Variants in TRPM3 observed in about 807,000 individuals in gnomAD.
TRPM3 encodes the protein transient receptor potential cation channel subfamily M member 3, also known as long transient receptor potential channel 3.
In TRPM3, 77 loss-of-function variants were observed where a neutral mutation model predicts 181.2. The observed-to-expected ratio is 0.42, with a 90% CI of 0.35 to 0.51. TRPM3 has a LOEUF of 0.51. TRPM3 is among the 20% of genes least tolerant of loss of function. The pLI is 0.01. For synonymous variants in TRPM3, 745 were observed against 796.4 expected (o/e 0.94, Z 1.09); for missense variants, 1,759 against 2,196.7 (o/e 0.80, Z 3.98).
At chr9:70,985,943 TTTA>T (rs1392932523) in intron 1 of TRPM3, among the ~76,000 whole-genome samples, 1 of 152,184 alleles carries the variant, frequency 6.6e-6, no homozygotes, top group Admixed American at 6.5e-5. Context: ...CAGTCTGCTT[TTTA>T]TTATTATCAC....
chr9:71,205,237 A>G (rs1201896728), intron 1 of TRPM3, among the ~76,000 whole-genome samples: 1 of 91,542 alleles, frequency 1.1e-5, no homozygotes, highest in Non-Finnish European at 2.3e-5. Flanking sequence ...ATGTTTAAGC[A>G]AATCAAATAA....
rs557558643 is a variant in TRPM3, at chr9:70,986,225, A to G, written c.178-121714T>C. ...TAAAATTAAATAAAATTAGCCAGGC[A>G]TGGTGGTGCAAGACTGCTGCCCTAG... is the stretch of plus-strand genomic sequence containing the variant. On this transcript the variant is annotated intron_variant, in intron 1 of 25. Transcript: ENST00000677713. Among the ~76,000 whole-genome samples the G allele has an allele frequency of 1.3e-5, 2 of 152,206 alleles. 1 individual carries two copies. The highest frequency in any genetic ancestry group is 1.3e-4 in the Admixed American group (2 of 15,274).
At chr9:71,084,741 G>A (rs1002548976) in intron 1 of TRPM3, among the ~76,000 whole-genome samples, 4 of 151,542 alleles carry the variant, frequency 2.6e-5, no homozygotes, top group African/African-American at 9.7e-5. Context: ...TCAAACTGTC[G>A]ATGTCATTTT....
At chr9:70,740,936 A>C (rs1286809131) in intron 8 of TRPM3, among the ~76,000 whole-genome samples, 1 of 152,264 alleles carries the variant, frequency 6.6e-6, no homozygotes, top group Admixed American at 6.5e-5. Context: ...ACGAAAGCAA[A>C]TGCAACAAAA....
chr9:71,013,655 A>T (rs535792005), intron 1 of TRPM3, among the ~76,000 whole-genome samples: 1 of 152,070 alleles, frequency 6.6e-6, no homozygotes, highest in East Asian at 1.9e-4. Flanking sequence ...TTGATAAATC[A>T]TATTATCCTA....
intron 1 of TRPM3, among the ~76,000 whole-genome samples, chr9:71,322,556 CA>C (rs1420376371): frequency 6.6e-6 from 1 of 151,988 alleles, no homozygotes; most frequent in Admixed American, 6.6e-5. Context: ...GAGGTAGTTG[CA>C]AGGAAAATGT....
rs760149099 is a variant in TRPM3 at position 71,292,971 on chromosome 9, A to G, written c.183+153682T>C. Among the ~76,000 whole-genome samples the G allele has an allele frequency of 8.5e-5, 13 of 152,110 alleles. No homozygotes were observed. The East Asian group carries it at 2.1e-3, about 25-fold the overall frequency. ...AAAATGACGAAATTGTGTTTATCTCAAGAATATAAAGTTGGTTGAACATCA... is the reference window on the plus strand; with the variant it reads ...AAAATGACGAAATTGTGTTTATCTCGAGAATATAAAGTTGGTTGAACATCA... On this transcript the variant is annotated intron_variant, in intron 1 of 24. Coordinates refer to the TRPM3 transcript ENST00000357533.
intron 1 of TRPM3, among the ~76,000 whole-genome samples, chr9:71,119,821 T>C (rs187069921): frequency 5.9e-5 from 9 of 152,274 alleles, no homozygotes; most frequent in East Asian, 3.9e-4. Context: ...CTATCACACA[T>C]GTTGTTACAA....
At chr9:71,313,646 T>C (rs957004978) in intron 1 of TRPM3, among the ~76,000 whole-genome samples, 1 of 152,116 alleles carries the variant, frequency 6.6e-6, no homozygotes, top group African/African-American at 2.4e-5. Context: ...GATAACATAG[T>C]CTTTAGGTTT....
intron 8 of TRPM3, among the ~76,000 whole-genome samples, chr9:70,748,458 C>A (rs1206458330): frequency 1.3e-5 from 2 of 152,154 alleles, no homozygotes; most frequent in Non-Finnish European, 2.9e-5. Flanking sequence ...TCCATGTCAA[C>A]TGGTGGATAT....
intron 25 of TRPM3, among the ~76,000 whole-genome samples, chr9:70,549,272 C>G (rs1174807437): frequency 1.3e-5 from 2 of 152,178 alleles, no homozygotes; most frequent in South Asian, 2.1e-4. Flanking sequence ...TCTGAGCCAG[C>G]AACCTCAGGC....
intron 1 of TRPM3, among the ~76,000 whole-genome samples, chr9:70,928,832 G>T (rs1454760592): frequency 6.6e-6 from 1 of 152,202 alleles, no homozygotes; most frequent in Non-Finnish European, 1.5e-5. Flanking sequence ...GCTCTTGGTT[G>T]TCTAGAAGGT....
chr9:71,323,600 G>A (rs2089434915), intron 1 of TRPM3, among the ~76,000 whole-genome samples: 1 of 152,084 alleles, frequency 6.6e-6, no homozygotes, highest in South Asian at 2.1e-4. Flanking sequence ...TCATTAGCTT[G>A]TCCTGAGAAT....
At chr9:70,588,273 G>A (rs1422258377) in intron 22 of TRPM3, among the ~76,000 whole-genome samples, 1 of 152,092 alleles carries the variant, frequency 6.6e-6, no homozygotes, top group Non-Finnish European at 1.5e-5. Context: ...AAAGGTGGAA[G>A]GCATATCAAA....
chr9:70,886,491 C>G (rs1047435478), intron 1 of TRPM3, among the ~76,000 whole-genome samples: 2 of 152,086 alleles, frequency 1.3e-5, no homozygotes, highest in African/African-American at 4.8e-5. Context: ...CTAATCTTAA[C>G]CCCGGGTCTA....
chr9:71,199,838 A>G (rs1425733817), intron 1 of TRPM3, among the ~76,000 whole-genome samples: 6 of 151,490 alleles, frequency 4.0e-5, no homozygotes, highest in Non-Finnish European at 7.4e-5. Context: ...TGGATTCATT[A>G]ATTTTTTGAA....
chr9:71,204,399 A>G lies in TRPM3; in HGVS notation c.183+242254T>C, dbSNP rs577772621. Reference sequence around the variant, plus strand: ...CAAACAACCCCATGAACAAGTAGGCAAAGGATATGAACAGCCACTTCTCAA... The same window carrying G: ...CAAACAACCCCATGAACAAGTAGGCGAAGGATATGAACAGCCACTTCTCAA... On this transcript the variant is annotated intron_variant, in intron 1 of 24. Transcript: ENST00000357533. 2.7e-4 allele frequency among the ~76,000 whole-genome samples: 41 copies of G among 152,264 alleles called. 1 individual carries two copies. In the South Asian group the frequency reaches 6.6e-3, roughly 25 times the overall value.
In TRPM3 at chr9:71,334,025, G is replaced by A. The variant is rs1471767233; in HGVS notation, c.183+112628C>T. Among the ~76,000 whole-genome samples the A allele has an allele frequency of 4.0e-5, 6 of 151,816 alleles. 1 individual carries two copies. The highest frequency in any genetic ancestry group is 1.2e-4 in the African/African-American group (5 of 41,328). ...AATGCCAGAGATGATGACCGAAAGT[G>A]AGCATTCATTGATAAATCTGTGGAA... On this transcript the variant is annotated intron_variant, in intron 1 of 24. Coordinates refer to the TRPM3 transcript ENST00000357533.
intron 9 of TRPM3, among the ~76,000 whole-genome samples, chr9:70,663,168 T>C (rs957239003): frequency 6.6e-6 from 1 of 152,162 alleles, no homozygotes; most frequent in Non-Finnish European, 1.5e-5. Flanking sequence ...ATGTTCTCAC[T>C]CATAAGGGGA....
Sources: allele counts gnomAD v4.1 joint callset (sites outside exome capture counted in the v4.1 genomes callset), GRCh38; gene constraint gnomAD v4.1.1; transcripts MANE v1.5; gene names NCBI Gene and HGNC (gene_info 2026-07-23, HGNC 2026-07-21).